The following GANAB variants were observed in gnomAD, a reference collection of about 807,000 sequenced individuals.
GANAB encodes glucosidase II alpha subunit.
In GANAB, 35 loss-of-function variants were observed where a neutral mutation model predicts 129.9. That is an observed-to-expected ratio of 0.27 (90% CI 0.21 to 0.36). The LOEUF is 0.36. Ranked by LOEUF, GANAB falls within the 10% of genes least tolerant of loss-of-function variation. The probability of loss-of-function intolerance (pLI) is 1.00; values close to 1 mark genes in which losing one functional copy is unlikely to be tolerated. For synonymous variants in GANAB, 482 were observed against 451.8 expected, an observed-to-expected ratio of 1.07 and a Z score of -0.85; for missense variants, 939 against 1,221.0, an observed-to-expected ratio of 0.77 and a Z score of 3.44.
chr11:62,626,927 T>C lies in GANAB; in HGVS notation c.2330A>G (p.Tyr777Cys). The C allele has an allele frequency of 6.2e-7, 1 of 1,610,070 alleles. No homozygotes were observed. Among genetic ancestry groups the C allele is most frequent in the Non-Finnish European group, 8.5e-7 (1 of 1,176,284 alleles). ...ATGCTTCTGGTAGCTTTGAATGTCA[T>C]ACCACACCTGTGAGTGACAAAAGAG... ...VYLPGQGEVW[Y>C]DIQSYQKHHG... Residue 777 changes from tyrosine (Y) to cysteine (C), a missense_variant, in exon 20 of 24, where the codon TAT becomes TGT. This residue lies in a region of GANAB where 230 missense variants were observed against 259.9 expected (regional missense o/e 0.89). Coordinates refer to ENST00000356638, the MANE Select transcript of GANAB (RefSeq NM_198334.3).
intron 4 of GANAB, among the ~76,000 whole-genome samples, chr11:62,635,626 C>G (rs1403330364): frequency 3.3e-5 from 5 of 150,334 alleles, no homozygotes; most frequent in African/African-American, 7.3e-5. Flanking sequence ...AAATGATGTA[C>G]TTCTTTTTTT....
Position 62,626,078 on chromosome 11 carries a change from T to C in GANAB, c.2712A>G (p.Val904=). 5.0e-6 allele frequency: 8 copies of C among 1,612,064 alleles called. No individual in the cohort carries two copies. The highest frequency in any genetic ancestry group is 5.9e-6 in the Non-Finnish European group (7 of 1,178,160). ...IIGAGKPAAV[V]LQTKGSPESR... ...TTGGTCACTCACCTTTTGTCTGGAG[T>C]ACCACAGCTGCTGGCTTTCCAGCCC... The change falls in exon 23 of 24, where the codon GTA becomes GTG. Residue 904 remains valine (V), a synonymous_variant. Coordinates refer to ENST00000356638, the MANE Select transcript of GANAB (RefSeq NM_198334.3).
Position 62,627,339 on chromosome 11 carries a change from T to C in GANAB, c.2195A>G (p.Gln732Arg), listed in dbSNP as rs1324146544. The part of the protein sequence containing the change: ...GIPVMRPLWV[Q>R]YPQDVTTFNI... ...GAAGGTAGTCACATCCTGAGGGTAC[T>C]GCACCCACAGGGGCCTAGGAAGGAA... Residue 732 changes from glutamine (Q) to arginine (R), a missense_variant, in exon 18 of 24, where the codon CAG (glutamine) becomes CGG (arginine). Transcript: ENST00000356638. 1.9e-6 allele frequency: 3 copies of C among 1,559,428 alleles called. No individual in the cohort carries two copies. Among genetic ancestry groups the C allele is most frequent in the Non-Finnish European group, 2.7e-6 (3 of 1,130,124 alleles).
At chr11:62,632,882 G>A in intron 8 of GANAB, 123 bp downstream of exon 8, 4 of 974,728 alleles carry the variant, frequency 4.1e-6, no homozygotes, top group South Asian at 4.1e-5. Context: ...ATCACCAAAG[G>A]TGATTCTGGA....
At chr11:62,627,245 C>T in intron 18 of GANAB, 44 bp downstream of exon 18, 1 of 1,426,668 alleles carries the variant, frequency 7.0e-7, no homozygotes, top group East Asian at 2.3e-5. Flanking sequence ...CGCAGTGCTG[C>T]TTGGCCCAAA....
At chr11:62,628,058 G>GC (rs1015298789) in intron 17 of GANAB, among the ~76,000 whole-genome samples, 8 of 151,900 alleles carry the variant, frequency 5.3e-5, no homozygotes, top group Non-Finnish European at 1.0e-4. Context: ...AAGACATACT[G>GC]TTTTTTTCTA....
chr11:62,639,084 C>T lies in GANAB; in HGVS notation c.279G>A (p.Gly93=). Residue 93 remains glycine (G), a synonymous_variant, in exon 4 of 24, where the codon GGG becomes GGA. Transcript: ENST00000356638. ...TGAACCGAGTCATGTTCTTTTGAAG[C>T]CCCTGAAGCTCTAGCACCAGCAACA... ...TKVLLVLELQ[G]LQKNMTRFRI... 1 of 1,613,956 alleles carries T rather than the reference C, an allele frequency of 6.2e-7. No individual in the cohort carries two copies. Among genetic ancestry groups the T allele is most frequent in the Non-Finnish European group, 8.5e-7 (1 of 1,179,976 alleles).
At chr11:62,627,388 T>C (rs1204843867) in intron 17 of GANAB, 35 bp from the exon 18 acceptor site, 2 of 1,241,510 alleles carry the variant, frequency 1.6e-6, no homozygotes, top group Admixed American at 1.7e-5. Context: ...GGAAAACTTT[T>C]CAATTTTGGC....
intron 5 of GANAB, chr11:62,634,485 A>G (rs1201316615): frequency 1.4e-6 from 1 of 726,934 alleles, no homozygotes; most frequent in East Asian, 2.5e-5. Context: ...GATGGGGGGA[A>G]AAAGAAACCA....
chr11:62,638,840 T>A, intron 4 of GANAB, 143 bp downstream of exon 4: 3 of 669,488 alleles, frequency 4.5e-6, no homozygotes, highest in Non-Finnish European at 5.1e-6. Context: ...GAAGAAGAGG[T>A]GGGGAAAGGT....
Position 62,630,397 on chromosome 11 carries a change from CAT to C in GANAB, c.1493_1494del (p.Tyr498Ter). The C allele has an allele frequency of 6.2e-7, 1 of 1,614,212 alleles. No homozygotes were observed. The highest frequency in any genetic ancestry group is 8.5e-7 in the Non-Finnish European group (1 of 1,180,046). On this transcript the variant is annotated frameshift_variant, in exon 12 of 24. Coordinates refer to ENST00000356638, the MANE Select transcript of GANAB (RefSeq NM_198334.3). LOFTEE classifies it high-confidence loss of function. Reference sequence around the variant, plus strand: ...TGCTTACCTGGCCAGCACCAGCCCTCATAGTCAGAGCCATCCCGGGTTTTAAC... The same window carrying C: ...TGCTTACCTGGCCAGCACCAGCCCTCAGTCAGAGCCATCCCGGGTTTTAAC... Reference protein sequence around the residue: ...LYVKTRDGSDYEGWCWPGSAG... With the variant: ...LYVKTRDGSDXEGWCWPGSAG...
chr11:62,629,655 CTG>C lies in GANAB; in HGVS notation c.1765_1766del (p.Gln589AlafsTer106). The C allele has an allele frequency of 6.2e-7, 1 of 1,613,718 alleles. No individual in the cohort carries two copies. Among genetic ancestry groups the C allele is most frequent in the African/African-American group, 1.3e-5 (1 of 75,064 alleles). On this transcript the variant is annotated frameshift_variant, in exon 15 of 24. Transcript: ENST00000356638. LOFTEE classifies it high-confidence loss of function. ...VHMATADGLRQRSGGMERPFV... is the reference protein window; with the variant it reads ...VHMATADGLRXRSGGMERPFV... ...AGGGGCGTTCCATGCCCCCAGAGCG[CTG>C]TCTCAGCCCATCAGCAGTCGCCATG...
chr11:62,634,317 A>G, intron 5 of GANAB: 1 of 1,604,608 alleles, frequency 6.2e-7, no homozygotes, highest in Non-Finnish European at 8.5e-7. Context: ...TACCTAGAGA[A>G]AAGGTTCTTG....
intron 5 of GANAB, chr11:62,634,351 C>A (rs1475703426): frequency 1.2e-6 from 2 of 1,611,644 alleles, no homozygotes; most frequent in South Asian, 1.1e-5. Context: ...TGCTACCAAG[C>A]GTGAGATTAA....
In GANAB at chr11:62,633,288, A is replaced by G. The variant is rs901869250; in HGVS notation, c.631-17T>C. The G allele has an allele frequency of 1.9e-6, 3 of 1,598,380 alleles. No individual in the cohort carries two copies. Among genetic ancestry groups the G allele is most frequent in the African/African-American group, 1.3e-5 (1 of 74,662 alleles). Reference sequence around the variant, plus strand: ...CTCCTCTGGCTGTTAAGAAGAAAAGAGGACCACTCTCCAATCATACCAGTT... The same window carrying G: ...CTCCTCTGGCTGTTAAGAAGAAAAGGGGACCACTCTCCAATCATACCAGTT... On this transcript the variant is annotated splice_polypyrimidine_tract_variant and intron_variant, in intron 6 of 23. Transcript: ENST00000356638.
Position 62,627,296 on chromosome 11 carries a change from G to A in GANAB, c.2238C>T (p.Tyr746=). 5 of 1,572,026 alleles carry A rather than the reference G, an allele frequency of 3.2e-6. No individual in the cohort carries two copies. Among genetic ancestry groups the A allele is most frequent in the Non-Finnish European group, 4.4e-6 (5 of 1,141,564 alleles). ...ACTATCCTCATTTCTCACCAAGCAA[G>A]TACTGATCATCTATATTGAAGGTAG... ...DVTTFNIDDQ[Y]LLGDALLVHP... The change falls in exon 18 of 24, where the codon TAC becomes TAT. Residue 746 remains tyrosine, a synonymous_variant. Transcript: ENST00000356638.
At position 62,629,681 on chromosome 11, in the gene GANAB, T is replaced by A. The variant is rs1456396198; in HGVS notation, c.1741A>T (p.Met581Leu). The change falls in exon 15 of 24, where the codon ATG becomes TTG. Residue 581 changes from methionine to leucine, a missense_variant. By Grantham distance (15) the Met-to-Leu change is conservative. This residue lies in a region of GANAB where 147 missense variants were observed against 282.4 expected (regional missense o/e 0.52). Coordinates refer to ENST00000356638, the MANE Select transcript of GANAB (RefSeq NM_198334.3). ...VHNIYGLYVH[M>L]ATADGLRQRS... is the part of the protein sequence containing the mutation. ...TGTCTCAGCCCATCAGCAGTCGCCA[T>A]GTGCTGGGTGAGGAGAGAAGAGACG... 1 of 1,612,988 alleles carries A rather than the reference T, an allele frequency of 6.2e-7. No individual in the cohort carries two copies. The highest frequency in any genetic ancestry group is 8.5e-7 in the Non-Finnish European group (1 of 1,179,240).
chr11:62,642,936 G>A (rs988703469), intron 1 of GANAB, among the ~76,000 whole-genome samples: 1 of 152,114 alleles, frequency 6.6e-6, no homozygotes, highest in African/African-American at 2.4e-5. Flanking sequence ...GGGATGAAAC[G>A]AACTGAACCC....
intron 1 of GANAB, chr11:62,640,032 A>C (rs533076252): frequency 2.1e-5 from 6 of 279,824 alleles, no homozygotes; most frequent in African/African-American, 2.4e-5. Flanking sequence ...TCAGGAGATC[A>C]AGACCATCCT....
Sources: allele counts gnomAD v4.1 joint callset (sites outside exome capture counted in the v4.1 genomes callset), GRCh38; gene constraint gnomAD v4.1.1; regional missense constraint gnomAD v4.1.1; transcripts MANE v1.5; gene names NCBI Gene and HGNC (gene_info 2026-07-23, HGNC 2026-07-21).